Variants in EDAR observed in about 807,000 individuals in gnomAD.
The protein encoded by EDAR is ectodysplasin A receptor.
A neutral mutation model predicts 51.3 loss-of-function variants in EDAR; 38 were observed. The ratio of observed to expected loss-of-function variants is 0.74; its 90% CI spans 0.57 to 0.97. The LOEUF (loss-of-function observed/expected upper bound fraction) is 0.97, where lower values mean the gene tolerates loss of function less well. Among genes scored for constraint, EDAR ranks in the 50% least tolerant of loss-of-function variants. The pLI is 0.00. For missense variants in EDAR, 528 were observed against 595.0 expected (o/e 0.89, Z 1.17); for synonymous variants, 227 against 242.1 (o/e 0.94, Z 0.58).
chr2:108,922,977 A>C (rs1697177727), intron 5 of EDAR, among the ~76,000 whole-genome samples: 1 of 152,168 alleles, frequency 6.6e-6, no homozygotes, highest in South Asian at 2.1e-4. Flanking sequence ...CCTCACTGTC[A>C]CCTAGCACTT....
rs541334310 is a variant in EDAR, at chr2:108,939,743, G to A, written c.-18-8711C>T. On this transcript the variant is annotated intron_variant, in intron 1 of 11. Coordinates refer to ENST00000258443, the MANE Select transcript of EDAR (RefSeq NM_022336.4). Reference sequence around the variant, plus strand: ...GAACTCTTTCTTGTTTTCTGCCAATGGGCTACTGTGCTGGGTCCTCCCTCA... The same window carrying A: ...GAACTCTTTCTTGTTTTCTGCCAATAGGCTACTGTGCTGGGTCCTCCCTCA... Among the ~76,000 whole-genome samples the A allele has an allele frequency of 1.5e-3, 235 of 152,324 alleles. 2 individuals are homozygous for A. The highest frequency in any genetic ancestry group is 4.8e-3 in the Admixed American group (74 of 15,302).
rs1018132137 is a variant in EDAR at position 108,896,772 on chromosome 2, C to T, written c.*135G>A. 3 of 861,312 alleles carry T rather than the reference C, an allele frequency of 3.5e-6. No individual in the cohort carries two copies. Among genetic ancestry groups the T allele is most frequent in the East Asian group, 5.3e-5 (2 of 37,424 alleles). The allele number at this position is 861,312 out of a possible 1,614,324, so 53.4% of individuals were successfully genotyped here. Reference sequence around the variant, plus strand: ...AGACAGGCCTTATTTCGTCTGGCTCCTTGAACATCCTAAGGCATACGGTGA... The same window carrying T: ...AGACAGGCCTTATTTCGTCTGGCTCTTTGAACATCCTAAGGCATACGGTGA... On this transcript the variant is annotated 3_prime_UTR_variant, in exon 12 of 12. Coordinates refer to ENST00000258443, the MANE Select transcript of EDAR (RefSeq NM_022336.4).
intron 5 of EDAR, among the ~76,000 whole-genome samples, chr2:108,922,068 C>G (rs917585452): frequency 6.6e-6 from 1 of 152,234 alleles, no homozygotes; most frequent in Non-Finnish European, 1.5e-5. Context: ...CTTAGAGAGG[C>G]GCCCCTGCCG....
In EDAR at chr2:108,929,429, C is replaced by T; in HGVS notation, c.175-50G>A. 4 of 1,589,088 alleles carry T rather than the reference C, an allele frequency of 2.5e-6. No individual in the cohort carries two copies. In the South Asian group the frequency reaches 4.4e-5, roughly 18 times the overall value. On this transcript the variant is annotated intron_variant, in intron 3 of 11. Coordinates refer to ENST00000258443, the MANE Select transcript of EDAR (RefSeq NM_022336.4). ...ACACAGGTGAGTGCAGCAGCCAAAC[C>T]ATACGGACTCGGCCCACAGTCCTTG...
At chr2:108,909,851 C>T (rs1290940663) in intron 9 of EDAR, among the ~76,000 whole-genome samples, 1 of 152,238 alleles carries the variant, frequency 6.6e-6, no homozygotes, top group Non-Finnish European at 1.5e-5. Context: ...CATGTGGCTC[C>T]TTGGGAGCCT....
intron 1 of EDAR, among the ~76,000 whole-genome samples, chr2:108,983,890 C>G (rs142845611): frequency 6.6e-6 from 1 of 152,168 alleles, no homozygotes; most frequent in Non-Finnish European, 1.5e-5. Context: ...ATCTCACACC[C>G]GATGCTGGAA....
intron 1 of EDAR, among the ~76,000 whole-genome samples, chr2:108,951,297 T>C (rs1343385431): frequency 1.3e-5 from 2 of 152,194 alleles, no homozygotes; most frequent in Admixed American, 6.5e-5. Context: ...ACCACACTAC[T>C]GTACAGGTAT....
chr2:108,961,768 T>C (rs1467037609), intron 1 of EDAR, among the ~76,000 whole-genome samples: 1 of 152,068 alleles, frequency 6.6e-6, no homozygotes, highest in African/African-American at 2.4e-5. Context: ...GATCAGCCCA[T>C]GTGTTGGGTC....
intron 5 of EDAR, 90 bp downstream of exon 5, chr2:108,923,278 T>G (rs1454658791): frequency 8.0e-7 from 1 of 1,253,190 alleles, no homozygotes; most frequent in African/African-American, 1.5e-5. Context: ...CTTGTCCAGG[T>G]GCCAGGACCG....
intron 5 of EDAR, among the ~76,000 whole-genome samples, chr2:108,917,080 C>A (rs1212111419): frequency 6.6e-6 from 1 of 152,210 alleles, no homozygotes; most frequent in Admixed American, 6.5e-5. Flanking sequence ...AGCAAAGACC[C>A]TCAAACCACA....
At chr2:108,962,354 C>T (rs989700373) in intron 1 of EDAR, among the ~76,000 whole-genome samples, 6 of 152,110 alleles carry the variant, frequency 3.9e-5, no homozygotes, top group Non-Finnish European at 8.8e-5. Flanking sequence ...ATTGTCAAAG[C>T]TCAAATAGCC....
rs1553445966 is a variant in EDAR, at chr2:108,912,726, C to T, written c.481G>A (p.Gly161Ser). 12 of 1,602,902 alleles carry T rather than the reference C, an allele frequency of 7.5e-6. No homozygotes were observed. Among genetic ancestry groups the T allele is most frequent in the Non-Finnish European group, 1.0e-5 (12 of 1,175,216 alleles). ...ATSGASANFPGTSGSSTLSPF... is the reference protein window; with the variant it reads ...ATSGASANFPSTSGSSTLSPF... Reference sequence around the variant, plus strand: ...GACAGGGTGCTGCTGCCCGAGGTGCCAGGGAAGTTGGCAGAAGCTCCTGAA... The same window carrying T: ...GACAGGGTGCTGCTGCCCGAGGTGCTAGGGAAGTTGGCAGAAGCTCCTGAA... The change falls in exon 6 of 12, where the codon GGC becomes AGC. Residue 161 changes from glycine (G) to serine (S), a missense_variant. Gly to Ser is a moderately conservative substitution (Grantham distance 56, BLOSUM62 0). Coordinates refer to ENST00000258443, the MANE Select transcript of EDAR (RefSeq NM_022336.4).
intron 1 of EDAR, among the ~76,000 whole-genome samples, chr2:108,979,424 CTCTCTCTCTCTT>C (rs1698383362): frequency 3.3e-5 from 1 of 30,232 alleles, no homozygotes; most frequent in African/African-American, 1.1e-4. Flanking sequence ...TGGTTGCTGT[CTCTCTCTCTCTT>C]TCTCTCTCTC....
At chr2:108,928,962 G>C (rs1405692962) in intron 4 of EDAR, among the ~76,000 whole-genome samples, 1 of 152,194 alleles carries the variant, frequency 6.6e-6, no homozygotes, top group Non-Finnish European at 1.5e-5. Flanking sequence ...ATATTATGAT[G>C]GTTAATGGCC....
At chr2:108,908,150 TACTGGGCACCTTGTGGGC>T (rs1696848389) in intron 9 of EDAR, 131 bp from the exon 10 acceptor site, 3 of 1,028,794 alleles carry the variant, frequency 2.9e-6, no homozygotes, top group Non-Finnish European at 4.2e-6. Context: ...TTCAGGTGTT[TACTGGGCACCTTGTGGGC>T]ACGGGACCAG....
intron 1 of EDAR, among the ~76,000 whole-genome samples, chr2:108,935,122 C>T (rs548341743): frequency 5.9e-5 from 9 of 152,302 alleles, no homozygotes; most frequent in African/African-American, 1.9e-4. Flanking sequence ...TGGCGCTTTA[C>T]GGAAAAGGTC....
intron 5 of EDAR, among the ~76,000 whole-genome samples, chr2:108,918,105 G>C (rs1372230379): frequency 6.6e-6 from 1 of 152,198 alleles, no homozygotes; most frequent in East Asian, 1.9e-4. Context: ...AAGGAAAAGA[G>C]AGCGGTCTGG....
intron 6 of EDAR, 152 bp downstream of exon 6, chr2:108,912,526 G>C (rs1025272076): frequency 1.3e-6 from 1 of 753,714 alleles, no homozygotes; most frequent in African/African-American, 1.7e-5. Flanking sequence ...TCCTGCACGG[G>C]GGGCAACATG....
chr2:108,900,686 T>G (rs1217512960), intron 11 of EDAR, among the ~76,000 whole-genome samples: 1 of 151,912 alleles, frequency 6.6e-6, no homozygotes, highest in African/African-American at 2.4e-5. Context: ...TTCAATATAA[T>G]GAGAGAGGCG....
Sources: allele counts gnomAD v4.1 joint callset (sites outside exome capture counted in the v4.1 genomes callset), GRCh38; gene constraint gnomAD v4.1.1; transcripts MANE v1.5; gene names NCBI Gene and HGNC (gene_info 2026-07-23, HGNC 2026-07-21).